The following NCAPD2 variants were observed in gnomAD, a reference collection of about 807,000 sequenced individuals.
The protein encoded by NCAPD2 is condensin complex subunit 1.
In NCAPD2, 100 loss-of-function variants were observed where a neutral mutation model predicts 164.5. That is an observed-to-expected ratio of 0.61 (90% confidence interval 0.52 to 0.72). The LOEUF (loss-of-function observed/expected upper bound fraction) is 0.72, where lower values mean the gene tolerates loss of function less well. Ranked by LOEUF, NCAPD2 falls within the 30% of genes least tolerant of loss-of-function variation. The pLI, the probability that NCAPD2 is intolerant of heterozygous loss-of-function variation, is 0.00. For missense variants in NCAPD2, 1,560 were observed against 1,749.2 expected (o/e 0.89, Z 1.93); for synonymous variants, 585 against 642.6 (o/e 0.91, Z 1.36).
At chr12:6,515,545 C>G (rs1946190991) in intron 9 of NCAPD2, among the ~76,000 whole-genome samples, 1 of 152,160 alleles carries the variant, frequency 6.6e-6, no homozygotes, top group Admixed American at 6.5e-5. Context: ...AGCTGGCTTG[C>G]CTTGCTTCCT....
Position 6,525,670 on chromosome 12 carries a change from C to T in NCAPD2, c.2302C>T (p.Pro768Ser), listed in dbSNP as rs972819783. 6 of 1,613,526 alleles carry T rather than the reference C, an allele frequency of 3.7e-6. No homozygotes were observed. The South Asian group carries it at 5.5e-5, about 15-fold the overall frequency. Residue 768 changes from proline (P) to serine (S), a missense_variant, in exon 18 of 32, where the codon CCT becomes TCT. Physicochemically the swap from Pro to Ser is moderately conservative, Grantham distance 74 (BLOSUM62 -1). Transcript: ENST00000315579. ...GGCCACCGAGAAGGTCGCCTGCTGT[C>T]CTCTGGAGCGCTGTTCCTCTGTCAT... Reference protein sequence around the residue: ...ERATEKVACCPLERCSSVMLL... With the variant: ...ERATEKVACCSLERCSSVMLL...
intron 2 of NCAPD2, among the ~76,000 whole-genome samples, chr12:6,507,870 T>C (rs1374385980): frequency 6.6e-6 from 1 of 151,898 alleles, no homozygotes; most frequent in East Asian, 1.9e-4. Context: ...AAAAAGGTTG[T>C]GGGGGAGTGC....
intron 14 of NCAPD2, 82 bp downstream of exon 14, chr12:6,521,192 C>G (rs775383682): frequency 1.5e-5 from 23 of 1,525,436 alleles, no homozygotes; most frequent in Non-Finnish European, 2.0e-5. Context: ...CATCATTGGC[C>G]TGGTTAACAG....
At position 6,528,733 on chromosome 12, in the gene NCAPD2, C is replaced by A; in HGVS notation, c.3354C>A (p.His1118Gln). Residue 1118 changes from histidine to glutamine, a missense_variant, in exon 26 of 32, where the codon CAC becomes CAA. Physicochemically the swap from His to Gln is conservative, Grantham distance 24. Coordinates refer to ENST00000315579, the MANE Select transcript of NCAPD2 (RefSeq NM_014865.4). The surrounding 1 kb of genome is among the most constrained non-coding windows in gnomAD (Gnocchi z 5.1). Reference sequence around the variant, plus strand: ...AAACAGCGGGGCTGGTGATGACCCACCTGATCCTCAAGGACATGGTGAAGG... The same window carrying A: ...AAACAGCGGGGCTGGTGATGACCCAACTGATCCTCAAGGACATGGTGAAGG... ...VRKTAGLVMTHLILKDMVKVK... is the reference protein window; with the variant it reads ...VRKTAGLVMTQLILKDMVKVK... The A allele has an allele frequency of 1.9e-6, 3 of 1,614,130 alleles. No individual in the cohort carries two copies. The highest frequency in any genetic ancestry group is 2.5e-6 in the Non-Finnish European group (3 of 1,179,992).
rs1371610243 is a variant in NCAPD2, at chr12:6,509,862, C to T, written c.203+70C>T. On this transcript the variant is annotated intron_variant, in intron 3 of 31. Transcript: ENST00000315579. Reference sequence around the variant, plus strand: ...GTTTGTCCTAACTGTGCATGTTAGTCCTGAAATTCCAAGTTATAGGTTCAC... The same window carrying T: ...GTTTGTCCTAACTGTGCATGTTAGTTCTGAAATTCCAAGTTATAGGTTCAC... 25 of 1,511,204 alleles carry T rather than the reference C, an allele frequency of 1.7e-5. 1 individual carries two copies. The South Asian group carries it at 2.8e-4, about 17-fold the overall frequency. The allele number at this position is 1,511,204 out of a possible 1,614,324, so 93.6% of individuals were successfully genotyped here. A position where few individuals can be genotyped will look rare whatever the true frequency, so the allele number is the denominator to read the frequency against.
rs778031068 is a variant in NCAPD2, at chr12:6,530,920, G to T, written c.3965-1G>T. Reference sequence around the variant, plus strand: ...AAATCACGTTTTCCTGCCTTTTCTAGGTTCTAGGTACCAGCCTCTGGCTTC... The same window carrying T: ...AAATCACGTTTTCCTGCCTTTTCTATGTTCTAGGTACCAGCCTCTGGCTTC... On this transcript the variant is annotated splice_acceptor_variant, in intron 30 of 31. Coordinates refer to ENST00000315579, the MANE Select transcript of NCAPD2 (RefSeq NM_014865.4). LOFTEE classifies it high-confidence loss of function. 6.2e-7 allele frequency: 1 copy of T among 1,613,144 alleles called. No individual in the cohort carries two copies. The highest frequency in any genetic ancestry group is 8.5e-7 in the Non-Finnish European group (1 of 1,179,688).
Position 6,519,062 on chromosome 12 carries a change from T to A in NCAPD2, c.1589+1103T>A, listed in dbSNP as rs939967303. Among the ~76,000 whole-genome samples the A allele has an allele frequency of 3.9e-5, 6 of 151,940 alleles. No homozygotes were observed. In the East Asian group the frequency reaches 5.8e-4, roughly 15 times the overall value. On this transcript the variant is annotated intron_variant, in intron 13 of 31. Coordinates refer to ENST00000315579, the MANE Select transcript of NCAPD2 (RefSeq NM_014865.4). ...CACCACGCCCGGCTAATTTTTTTTT[T>A]TATATTTTTAGTAGAGACGGGGTTT...
intron 2 of NCAPD2, among the ~76,000 whole-genome samples, chr12:6,500,135 AAAG>A (rs1946021647): frequency 1.3e-5 from 2 of 152,180 alleles, no homozygotes; most frequent in African/African-American, 2.4e-5. Flanking sequence ...AAAGAAAAAA[AAAG>A]AAGTGTACTG....
chr12:6,531,241 G>T lies in NCAPD2; in HGVS notation c.4121-86G>T. The T allele has an allele frequency of 6.7e-7, 1 of 1,498,222 alleles. No homozygotes were observed. 92.8% of individuals were successfully genotyped at this position (1,498,222 alleles called of 1,614,324 possible). ...GGATTTTATTTCTTCTGTGCGGTGT[G>T]GGATTGTCTCACTTGTTCTCTGATA... is the stretch of plus-strand genomic sequence containing the variant. On this transcript the variant is annotated intron_variant, in intron 31 of 31. Coordinates refer to ENST00000315579, the MANE Select transcript of NCAPD2 (RefSeq NM_014865.4). The surrounding 1 kb of genome is among the most constrained non-coding windows in gnomAD (Gnocchi z 4.1).
In NCAPD2 at chr12:6,523,287, A is replaced by C. The variant is rs1480634348; in HGVS notation, c.2155A>C (p.Asn719His). ...ARAKAQALIQ[N>H]LSLLLVDASV... Reference sequence around the variant, plus strand: ...AGCCAAGGCCCAGGCTTTGATTCAGAATCTCTCTCTGCTGCTAGTGGATGC... The same window carrying C: ...AGCCAAGGCCCAGGCTTTGATTCAGCATCTCTCTCTGCTGCTAGTGGATGC... Residue 719 changes from asparagine to histidine, a missense_variant, in exon 17 of 32, where the codon AAT (asparagine) becomes CAT (histidine). By Grantham distance (68) the Asn-to-His change is moderately conservative (BLOSUM62 1). Transcript: ENST00000315579. 6.2e-7 allele frequency: 1 copy of C among 1,614,122 alleles called. No individual in the cohort carries two copies. The highest frequency in any genetic ancestry group is 1.7e-5 in the Admixed American group (1 of 60,018).
At chr12:6,496,798 C>T (rs1370658146) in intron 2 of NCAPD2, among the ~76,000 whole-genome samples, 3 of 152,208 alleles carry the variant, frequency 2.0e-5, no homozygotes, top group African/African-American at 7.2e-5. Context: ...GCTGGGACCA[C>T]AGACATGTAC....
chr12:6,503,774 T>A (rs1243759719), intron 2 of NCAPD2, among the ~76,000 whole-genome samples: 2 of 148,866 alleles, frequency 1.3e-5, no homozygotes, highest in Admixed American at 1.3e-4. Context: ...CCATCTATTT[T>A]TTTTTTTTTT....
chr12:6,511,081 TTCCTCAATGTATACATGA>T lies in NCAPD2; in HGVS notation c.445-24_445-7del. On this transcript the variant is annotated splice_polypyrimidine_tract_variant and intron_variant, in intron 5 of 31. Transcript: ENST00000315579. ...TTGACCCACTTTTTTCCCTTATTTT[TTCCTCAATGTATACATGA>T]TCCTTTTTAGGGTAAGAAAGCTCGG... The T allele has an allele frequency of 6.2e-7, 1 of 1,607,134 alleles. No homozygotes were observed. Among genetic ancestry groups the T allele is most frequent in the South Asian group, 1.1e-5 (1 of 89,904 alleles).
At chr12:6,506,340 GC>G (rs1294689123) in intron 2 of NCAPD2, among the ~76,000 whole-genome samples, 11 of 152,052 alleles carry the variant, frequency 7.2e-5, no homozygotes, top group African/African-American at 2.2e-4. Flanking sequence ...TGTAATCCCA[GC>G]ACTTCAGGAG....
At chr12:6,499,453 T>A (rs1441812576) in intron 2 of NCAPD2, among the ~76,000 whole-genome samples, 1 of 152,102 alleles carries the variant, frequency 6.6e-6, no homozygotes, top group Non-Finnish European at 1.5e-5. Context: ...AGTGGCAAGG[T>A]ATCGGCTCAC....
intron 1 of NCAPD2, 143 bp downstream of exon 1, chr12:6,494,297 G>C (rs1565536854): frequency 1.3e-5 from 2 of 151,340 alleles, no homozygotes; most frequent in Admixed American, 6.6e-5. Context: ...TGACAGATCC[G>C]CAACGGAAGT....
rs746759416 is a variant in NCAPD2, at chr12:6,528,962, T to C, written c.3495T>C (p.Asn1165=). ...ELSHKGNAIY[N]LLPDIISRLS... is the part of the protein sequence containing the mutation. Reference sequence around the variant, plus strand: ...TCTTACAGGGCAACGCAATCTATAATCTCCTTCCAGATATCATCAGCCGCC... The same window carrying C: ...TCTTACAGGGCAACGCAATCTATAACCTCCTTCCAGATATCATCAGCCGCC... The change falls in exon 27 of 32, where the codon AAT becomes AAC. Residue 1165 remains asparagine (N), a synonymous_variant. Coordinates refer to ENST00000315579, the MANE Select transcript of NCAPD2 (RefSeq NM_014865.4). The surrounding 1 kb of genome is among the most constrained non-coding windows in gnomAD (Gnocchi z 5.1). 1 of 1,613,996 alleles carries C rather than the reference T, an allele frequency of 6.2e-7. No individual in the cohort carries two copies. The highest frequency in any genetic ancestry group is 2.2e-5 in the East Asian group (1 of 44,874).
At chr12:6,502,288 A>G (rs1371890290) in intron 2 of NCAPD2, among the ~76,000 whole-genome samples, 2 of 152,170 alleles carry the variant, frequency 1.3e-5, no homozygotes, top group East Asian at 3.8e-4. Flanking sequence ...GGGCAGTTGA[A>G]AGTTCTCTTC....
chr12:6,528,505 T>A lies in NCAPD2; in HGVS notation c.3300-174T>A, dbSNP rs1298816950. 8.9e-7 allele frequency: 1 copy of A among 1,129,026 alleles called. No individual in the cohort carries two copies. The highest frequency in any genetic ancestry group is 2.4e-5 in the Admixed American group (1 of 41,922). The allele number at this position is 1,129,026 out of a possible 1,614,324, so 69.9% of individuals were successfully genotyped here. A position where few individuals can be genotyped will look rare whatever the true frequency, so the allele number is the denominator to read the frequency against. ...GTCACCCCAGTGGGACTGACACTTC[T>A]GGTTAGAAGCTTCACCTCTTTCCCC... On this transcript the variant is annotated intron_variant, in intron 25 of 31. Coordinates refer to ENST00000315579, the MANE Select transcript of NCAPD2 (RefSeq NM_014865.4). This position sits in a 1 kb window ranked among gnomAD's most constrained non-coding sequence, Gnocchi z 5.1.
Sources: gnomAD v4.1 joint callset for allele counts (sites outside exome capture counted in the v4.1 genomes callset) on GRCh38, gnomAD v4.1.1 for gene constraint, Gnocchi (gnomAD v3.1) non-coding constraint, MANE v1.5 for transcripts, NCBI Gene and HGNC (gene_info 2026-07-23, HGNC 2026-07-21) for gene names.